NRG3: variants seen among roughly 807,000 people sequenced by gnomAD.
NRG3 encodes the protein neuregulin 3, also known as pro-neuregulin-3, membrane-bound isoform.
Under a neutral mutation model 66.9 loss-of-function variants are expected in NRG3, and 31 were observed. That is an observed-to-expected ratio of 0.46 (90% CI 0.35 to 0.63). The LOEUF is 0.63. Among genes scored for constraint, NRG3 ranks in the 20% least tolerant of loss-of-function variants. The pLI is 0.00. For synonymous variants in NRG3, 393 were observed against 359.4 expected, an observed-to-expected ratio of 1.09 and a Z score of -1.06; for missense variants, 910 against 878.9, an observed-to-expected ratio of 1.04 and a Z score of -0.45.
intron 1 of NRG3, among the ~76,000 whole-genome samples, chr10:81,901,739 C>A (rs1386358045): frequency 6.6e-6 from 1 of 152,020 alleles, no homozygotes; most frequent in African/African-American, 2.4e-5. Flanking sequence ...AGTAAAAATT[C>A]AATTTATTAT....
intron 2 of NRG3, among the ~76,000 whole-genome samples, chr10:82,400,816 C>T (rs1017395525): frequency 5.9e-5 from 9 of 152,046 alleles, no homozygotes; most frequent in African/African-American, 2.2e-4. Flanking sequence ...CTCAAGCCAT[C>T]CTGCTGCCTC....
chr10:82,403,577 A>G (rs767966051), intron 2 of NRG3, among the ~76,000 whole-genome samples: 11 of 152,190 alleles, frequency 7.2e-5, no homozygotes, highest in Non-Finnish European at 1.3e-4. Context: ...TTTAATGCAC[A>G]TGATTTAAAA....
intron 1 of NRG3, among the ~76,000 whole-genome samples, chr10:81,953,111 C>T (rs974057693): frequency 3.9e-5 from 6 of 152,134 alleles, no homozygotes; most frequent in Non-Finnish European, 5.9e-5. Context: ...CTTGCCTGTA[C>T]TGCCAGGTCA....
chr10:82,527,172 C>CA (rs549869379), intron 2 of NRG3, among the ~76,000 whole-genome samples: 144 of 148,004 alleles, frequency 9.7e-4, no homozygotes, highest in Admixed American at 2.6e-3. Flanking sequence ...ATTGTATTAC[C>CA]AAAAAAAAAA....
chr10:82,556,270 T>C (rs543585758), intron 2 of NRG3, among the ~76,000 whole-genome samples: 3 of 152,298 alleles, frequency 2.0e-5, no homozygotes, highest in African/African-American at 7.2e-5. Context: ...TACTGCCCTC[T>C]CCTATGTTAT....
At chr10:82,472,885 A>T (rs1277475385) in intron 2 of NRG3, among the ~76,000 whole-genome samples, 1 of 152,224 alleles carries the variant, frequency 6.6e-6, no homozygotes. Flanking sequence ...AGCCAAGCCA[A>T]CAATAGGCAC....
At chr10:82,526,096 A>C (rs1846666469) in intron 2 of NRG3, among the ~76,000 whole-genome samples, 1 of 151,980 alleles carries the variant, frequency 6.6e-6, no homozygotes, top group African/African-American at 2.4e-5. Flanking sequence ...AAATGGAAGC[A>C]AAGCCTTCTG....
At chr10:82,530,080 C>T (rs1157426569) in intron 2 of NRG3, among the ~76,000 whole-genome samples, 2 of 152,046 alleles carry the variant, frequency 1.3e-5, no homozygotes, top group Admixed American at 6.6e-5. Context: ...TTCATTCCAA[C>T]GTAGGTAATG....
chr10:81,917,082 T>G (rs1221372589), intron 1 of NRG3, among the ~76,000 whole-genome samples: 1 of 152,194 alleles, frequency 6.6e-6, no homozygotes, highest in African/African-American at 2.4e-5. Flanking sequence ...GCTCAAAATA[T>G]AAATAACTAG....
At chr10:82,786,512 CTT>C (rs2060371674) in intron 3 of NRG3, among the ~76,000 whole-genome samples, 1 of 151,958 alleles carries the variant, frequency 6.6e-6, no homozygotes, top group Non-Finnish European at 1.5e-5. Context: ...AAGCATGTAA[CTT>C]TTTTGATTTC....
intron 3 of NRG3, among the ~76,000 whole-genome samples, chr10:82,797,350 G>A (rs2060842541): frequency 1.3e-5 from 2 of 152,080 alleles, no homozygotes; most frequent in Non-Finnish European, 2.9e-5. Context: ...TTTAAATATG[G>A]CTGCATTTCA....
chr10:82,012,323 C>T (rs1328300969), intron 1 of NRG3, among the ~76,000 whole-genome samples: 6 of 152,160 alleles, frequency 3.9e-5, no homozygotes, highest in Admixed American at 2.6e-4. Context: ...CTACAAAGAG[C>T]AGGGGGACCC....
chr10:82,080,364 T>G (rs1208262142), intron 1 of NRG3, among the ~76,000 whole-genome samples: 1 of 152,200 alleles, frequency 6.6e-6, no homozygotes, highest in Non-Finnish European at 1.5e-5. Context: ...AGATTTTTAT[T>G]TGGCTGGGGG....
At chr10:82,564,907 T>C (rs2045296476) in intron 2 of NRG3, among the ~76,000 whole-genome samples, 2 of 152,152 alleles carry the variant, frequency 1.3e-5, no homozygotes, top group African/African-American at 4.8e-5. Flanking sequence ...TTCTTTCTTT[T>C]AATCTTGACA....
At chr10:82,513,490 A>G (rs1845383498) in intron 2 of NRG3, among the ~76,000 whole-genome samples, 1 of 152,200 alleles carries the variant, frequency 6.6e-6, no homozygotes, top group Non-Finnish European at 1.5e-5. Flanking sequence ...TTCCTGGGTC[A>G]AATGTTATTT....
chr10:82,684,170 C>A (rs1351299233), intron 2 of NRG3, among the ~76,000 whole-genome samples: 2 of 152,132 alleles, frequency 1.3e-5, no homozygotes, highest in Non-Finnish European at 2.9e-5. Context: ...GAGATTAAAG[C>A]AGGAGGATTG....
At chr10:82,084,502 A>ACTTTTT (rs11458166) in intron 1 of NRG3, among the ~76,000 whole-genome samples, 1 of 145,338 alleles carries the variant, frequency 6.9e-6, no homozygotes. Context: ...CATATATGAG[A>ACTTTTT]TTTTTTTTTT....
chr10:82,744,833 A>C (rs1471736831), intron 3 of NRG3, among the ~76,000 whole-genome samples: 6 of 152,192 alleles, frequency 3.9e-5, no homozygotes. Context: ...GGATGAAATA[A>C]AATACTCCAT....
chr10:81,970,834 A>G (rs374143982), intron 1 of NRG3, among the ~76,000 whole-genome samples: 5 of 152,296 alleles, frequency 3.3e-5, no homozygotes, highest in Admixed American at 2.6e-4. Context: ...AAGAATAACA[A>G]TACAAAATTA....
Sources: allele counts gnomAD v4.1 joint callset (sites outside exome capture counted in the v4.1 genomes callset), GRCh38; gene constraint gnomAD v4.1.1; transcripts MANE v1.5; gene names NCBI Gene and HGNC (gene_info 2026-07-23, HGNC 2026-07-21).